The following EPB41L3 variants were observed in gnomAD, a reference collection of about 807,000 sequenced individuals.
EPB41L3 encodes the protein band 4.1-like protein 3.
A neutral mutation model predicts 127.1 loss-of-function variants in EPB41L3; 57 were observed. The ratio of observed to expected loss-of-function variants is 0.45; its 90% CI spans 0.36 to 0.56. The LOEUF is 0.56. Ranked by LOEUF, EPB41L3 falls within the 20% of genes least tolerant of loss-of-function variation. EPB41L3 has a pLI of 0.00. For missense variants in EPB41L3, 1,273 were observed against 1,372.2 expected (o/e 0.93, Z 1.14); for synonymous variants, 572 against 549.5 (o/e 1.04, Z -0.57).
At chr18:5,565,848 T>A (rs539761096) in intron 3 of EPB41L3, among the ~76,000 whole-genome samples, 11 of 152,128 alleles carry the variant, frequency 7.2e-5, no homozygotes, top group African/African-American at 2.7e-4. Flanking sequence ...GGTGTATATG[T>A]GCCACATTTT....
At chr18:5,515,560 A>C (rs1207833978) in intron 1 of EPB41L3, among the ~76,000 whole-genome samples, 1 of 151,876 alleles carries the variant, frequency 6.6e-6, no homozygotes, top group Admixed American at 6.6e-5. Context: ...CTTTTACATA[A>C]TTCTTCTTCC....
chr18:5,555,592 C>G (rs2094022408), intron 3 of EPB41L3, among the ~76,000 whole-genome samples: 6 of 151,998 alleles, frequency 3.9e-5, no homozygotes, highest in Admixed American at 3.9e-4. Context: ...ACTCTCTCTC[C>G]CAAACCCTCT....
At chr18:5,404,103 G>T (rs1258306094) in intron 16 of EPB41L3, among the ~76,000 whole-genome samples, 2 of 152,158 alleles carry the variant, frequency 1.3e-5, no homozygotes, top group Non-Finnish European at 2.9e-5. Context: ...TGAGGTCCTG[G>T]AGAAGAGTAG....
chr18:5,540,667 T>A, intron 1 of EPB41L3: 1 of 487,176 alleles, frequency 2.1e-6, no homozygotes, highest in Non-Finnish European at 2.7e-6. Flanking sequence ...TCTCTCTAAC[T>A]GAAGTGGTGC....
intron 3 of EPB41L3, among the ~76,000 whole-genome samples, chr18:5,475,678 T>C (rs4798367): frequency 0.33 from 50,612 of 152,068 alleles, 8,633 homozygotes; most frequent in East Asian, 0.47. Context: ...CATTTTGTAC[T>C]TGATCCCTTT....
chr18:5,603,173 A>G (rs1238638371), intron 3 of EPB41L3, among the ~76,000 whole-genome samples: 1 of 152,214 alleles, frequency 6.6e-6, no homozygotes, highest in African/African-American at 2.4e-5. Context: ...CATCTGAGCA[A>G]TAATTAAAGA....
rs181325254 is a variant in EPB41L3, at chr18:5,444,184, T to C, written c.487-304A>G. ...AAAGAGGGGAAAAGACAGAAGAGTC[T>C]ATGTTCAGACAAGTTACTAGGATAA... On this transcript the variant is annotated intron_variant, in intron 4 of 22. Transcript: ENST00000341928. 1.5e-3 allele frequency among the ~76,000 whole-genome samples: 233 copies of C among 152,350 alleles called. 1 individual carries two copies. The highest frequency in any genetic ancestry group is 5.3e-3 in the African/African-American group (221 of 41,566).
At chr18:5,448,533 ATGT>A (rs2081854134) in intron 3 of EPB41L3, among the ~76,000 whole-genome samples, 1 of 152,174 alleles carries the variant, frequency 6.6e-6, no homozygotes, top group Middle Eastern at 3.2e-3. Context: ...TCCAAAAGAC[ATGT>A]TGTTCTTTAA....
chr18:5,612,080 C>T (rs1370322984), intron 3 of EPB41L3, among the ~76,000 whole-genome samples: 1 of 146,812 alleles, frequency 6.8e-6, no homozygotes, highest in Non-Finnish European at 1.5e-5. Flanking sequence ...TATTTTGCCA[C>T]AATTAGGGCA....
At chr18:5,602,345 C>T (rs2094600492) in intron 3 of EPB41L3, among the ~76,000 whole-genome samples, 1 of 152,184 alleles carries the variant, frequency 6.6e-6, no homozygotes, top group Non-Finnish European at 1.5e-5. Context: ...TGAAGCTGAG[C>T]ACCTTGTGCC....
chr18:5,604,423 T>C (rs796704620), intron 3 of EPB41L3, among the ~76,000 whole-genome samples: 15 of 152,266 alleles, frequency 9.9e-5, no homozygotes, highest in African/African-American at 3.6e-4. Context: ...CATACCTTTT[T>C]ATTCAGAGAG....
At chr18:5,473,736 C>G (rs2086605592) in intron 3 of EPB41L3, among the ~76,000 whole-genome samples, 1 of 152,054 alleles carries the variant, frequency 6.6e-6, no homozygotes, top group Non-Finnish European at 1.5e-5. Context: ...TAAGCATCAA[C>G]AACAATAACA....
At position 5,457,478 on chromosome 18, in the gene EPB41L3, A is replaced by C. The variant is rs181200377; in HGVS notation, c.382-12234T>G. Among the ~76,000 whole-genome samples, 110 of 152,046 alleles carry C rather than the reference A, an allele frequency of 7.2e-4. 1 individual carries two copies. The highest frequency in any genetic ancestry group is 3.4e-3 in the Middle Eastern group (1 of 294). On this transcript the variant is annotated intron_variant, in intron 3 of 22. Coordinates refer to ENST00000341928, the MANE Select transcript of EPB41L3 (RefSeq NM_012307.5). The stretch of plus-strand genomic sequence containing the variant: ...TGGCACAGTAGGCAGTGAAGTGAAA[A>C]TTTAGGGAGGTCATCCCTGAGACTG...
intron 1 of EPB41L3, among the ~76,000 whole-genome samples, chr18:5,536,681 G>A (rs932887109): frequency 6.6e-5 from 10 of 151,600 alleles, no homozygotes; most frequent in South Asian, 4.2e-4. Flanking sequence ...GCAGGGTGGC[G>A]GTTGCCTATA....
rs1181163355 is a variant in EPB41L3, at chr18:5,603,205, C to T, written c.-306+9135G>A. Among the ~76,000 whole-genome samples, 5 of 152,180 alleles carry T rather than the reference C, an allele frequency of 3.3e-5. No individual in the cohort carries two copies. In the South Asian group the frequency reaches 6.2e-4, roughly 19 times the overall value. On this transcript the variant is annotated intron_variant, in intron 3 of 21. Coordinates refer to the EPB41L3 transcript ENST00000545076. ...AAGATAAGGTAGAAAAAACAAAGGA[C>T]GTGCATATACATAGGAGTCATTAAA...
At chr18:5,521,594 C>T (rs2092992629) in intron 1 of EPB41L3, among the ~76,000 whole-genome samples, 1 of 152,182 alleles carries the variant, frequency 6.6e-6, no homozygotes, top group African/African-American at 2.4e-5. Flanking sequence ...ATGAGACAGT[C>T]TCAGGTTCAA....
chr18:5,457,988 C>T (rs1328426110), intron 3 of EPB41L3, among the ~76,000 whole-genome samples: 1 of 152,166 alleles, frequency 6.6e-6, no homozygotes, highest in Non-Finnish European at 1.5e-5. Context: ...GCTATATCCA[C>T]TCACCACTGT....
At chr18:5,400,008 T>G (rs1428594281) in intron 16 of EPB41L3, 1 of 145,396 alleles carries the variant, frequency 6.9e-6, no homozygotes. Context: ...AGTGTTCGAG[T>G]CTTACATTTT....
intron 1 of EPB41L3, among the ~76,000 whole-genome samples, chr18:5,525,252 G>A (rs1161476889): frequency 6.6e-6 from 1 of 152,126 alleles, no homozygotes; most frequent in South Asian, 2.1e-4. Flanking sequence ...GTGGTGCCCA[G>A]ACAGCCAAAG....
Sources: gnomAD v4.1 joint callset for allele counts (sites outside exome capture counted in the v4.1 genomes callset) on GRCh38, gnomAD v4.1.1 for gene constraint, MANE v1.5 for transcripts, NCBI Gene and HGNC (gene_info 2026-07-23, HGNC 2026-07-21) for gene names.